EPN2: variants seen among roughly 807,000 people sequenced by gnomAD.
EPN2 encodes epsin-2.
In EPN2, 34 loss-of-function variants were observed where a neutral mutation model predicts 61.7. That is an observed-to-expected ratio of 0.55 (90% CI 0.42 to 0.73). The LOEUF is 0.73. Ranked by LOEUF, EPN2 falls within the 30% of genes least tolerant of loss-of-function variation. The pLI, the probability that EPN2 is intolerant of heterozygous loss-of-function variation, is 0.00. For synonymous variants in EPN2, 349 were observed against 353.6 expected (o/e 0.99, Z 0.15); for missense variants, 714 against 839.2 (o/e 0.85, Z 1.84).
At chr17:19,245,231 G>A (rs1044978782) in intron 1 of EPN2, among the ~76,000 whole-genome samples, 1 of 152,188 alleles carries the variant, frequency 6.6e-6, no homozygotes, top group Non-Finnish European at 1.5e-5. Context: ...GTCTGTGTGG[G>A]CTAGTAAGGG....
At chr17:19,314,548 T>A (rs1906296869) in intron 7 of EPN2, among the ~76,000 whole-genome samples, 1 of 152,210 alleles carries the variant, frequency 6.6e-6, no homozygotes, top group Admixed American at 6.5e-5. Flanking sequence ...TACCAAGTGC[T>A]TGGACTTGGT....
chr17:19,335,498 A>C lies in EPN2; in HGVS notation c.*1244A>C. Reference sequence around the variant, plus strand: ...GTGTGTCTGTGATCTCCTCTGTCTTAATCCACGCTCAGGCTAAAGATGGGG... The same window carrying C: ...GTGTGTCTGTGATCTCCTCTGTCTTCATCCACGCTCAGGCTAAAGATGGGG... On this transcript the variant is annotated 3_prime_UTR_variant, in exon 11 of 11. Coordinates refer to ENST00000314728, the MANE Select transcript of EPN2 (RefSeq NM_014964.5). 6.5e-7 allele frequency: 1 copy of C among 1,543,330 alleles called. No individual in the cohort carries two copies. The highest frequency in any genetic ancestry group is 8.8e-7 in the Non-Finnish European group (1 of 1,142,812).
rs1016461423 is a variant in EPN2 at position 19,285,546 on chromosome 17, C to A, written c.596-74C>A. On this transcript the variant is annotated intron_variant, in intron 3 of 10. Coordinates refer to ENST00000314728, the MANE Select transcript of EPN2 (RefSeq NM_014964.5). The surrounding 1 kb of genome is among the most constrained non-coding windows in gnomAD (Gnocchi z 4.5). ...TGACCCCGAGTGGCCTTGGCCCGTACCTCCTGCAGGGGCTGCTGCGCACCC... is the reference window on the plus strand; with the variant it reads ...TGACCCCGAGTGGCCTTGGCCCGTAACTCCTGCAGGGGCTGCTGCGCACCC... 8 of 1,384,538 alleles carry A rather than the reference C, an allele frequency of 5.8e-6. No homozygotes were observed. Among genetic ancestry groups the A allele is most frequent in the African/African-American group, 1.5e-5 (1 of 67,688 alleles). 85.8% of individuals were successfully genotyped at this position (1,384,538 alleles called of 1,614,324 possible). A position where few individuals can be genotyped will look rare whatever the true frequency, so the allele number is the denominator to read the frequency against.
intron 1 of EPN2, among the ~76,000 whole-genome samples, chr17:19,256,634 G>A (rs931705591): frequency 2.0e-5 from 3 of 151,964 alleles, no homozygotes; most frequent in East Asian, 3.9e-4. Flanking sequence ...AGTGGTTTTC[G>A]GCTGGTGGCA....
chr17:19,330,904 A>T (rs546261006), intron 9 of EPN2, among the ~76,000 whole-genome samples: 41 of 152,314 alleles, frequency 2.7e-4, no homozygotes, highest in African/African-American at 9.6e-4. Flanking sequence ...CAAGAGGCTA[A>T]GGCGGGAGGA....
At chr17:19,319,566 C>T (rs564962071) in intron 7 of EPN2, among the ~76,000 whole-genome samples, 96 of 152,056 alleles carry the variant, frequency 6.3e-4, no homozygotes, top group African/African-American at 2.2e-3. Context: ...CTCTTGACCT[C>T]ATGATCCACC....
intron 7 of EPN2, among the ~76,000 whole-genome samples, chr17:19,324,506 T>C (rs577289855): frequency 6.6e-6 from 1 of 152,304 alleles, no homozygotes; most frequent in Admixed American, 6.5e-5. Context: ...GCTAATTTTG[T>C]ATTTTTAGTA....
intron 7 of EPN2, among the ~76,000 whole-genome samples, chr17:19,320,012 G>C (rs954078330): frequency 6.6e-6 from 1 of 152,244 alleles, no homozygotes; most frequent in Admixed American, 6.5e-5. Context: ...CCAGAAAGGC[G>C]AAGCCTGAGG....
intron 1 of EPN2, among the ~76,000 whole-genome samples, chr17:19,253,410 C>CTTT (rs59492982): frequency 1.2e-3 from 123 of 101,822 alleles, no homozygotes; most frequent in Middle Eastern, 5.5e-3. Context: ...TAAATAGTTG[C>CTTT]TTTTTTTTTT....
Position 19,309,895 on chromosome 17 carries a change from G to C in EPN2, c.777G>C (p.Pro259=). ...GGTCTTCCCCAACAGCCACCTCCCC[G>C]CGAGTGTCCTCCGAGCTGGAGCAAG... ...TCDRAARATS[P]RVSSELEQAR... The change falls in exon 5 of 11, where the codon CCG becomes CCC. Residue 259 remains proline, a synonymous_variant. Coordinates refer to ENST00000314728, the MANE Select transcript of EPN2 (RefSeq NM_014964.5). The C allele has an allele frequency of 6.2e-7, 1 of 1,607,154 alleles. No homozygotes were observed. The highest frequency in any genetic ancestry group is 1.3e-5 in the African/African-American group (1 of 75,030).
At chr17:19,284,364 G>A (rs1391225462) in intron 3 of EPN2, among the ~76,000 whole-genome samples, 1 of 152,212 alleles carries the variant, frequency 6.6e-6, no homozygotes, top group Admixed American at 6.5e-5. Context: ...TCAGGGAACA[G>A]AGTGGAGTTC....
At chr17:19,303,107 G>A (rs1046686122) in intron 4 of EPN2, among the ~76,000 whole-genome samples, 4 of 152,224 alleles carry the variant, frequency 2.6e-5, no homozygotes, top group African/African-American at 9.6e-5. Flanking sequence ...GAGCAGTGGG[G>A]CAGGATGAGA....
At chr17:19,301,855 G>A (rs1905536240) in intron 4 of EPN2, among the ~76,000 whole-genome samples, 1 of 152,244 alleles carries the variant, frequency 6.6e-6, no homozygotes, top group Non-Finnish European at 1.5e-5. Flanking sequence ...CAAGCTCATG[G>A]GAACAGGGAC....
chr17:19,254,646 C>G (rs1401701411), intron 1 of EPN2, among the ~76,000 whole-genome samples: 1 of 152,070 alleles, frequency 6.6e-6, no homozygotes, highest in Non-Finnish European at 1.5e-5. Context: ...ACCATTAGTC[C>G]TGCTTAACAG....
chr17:19,268,622 T>G (rs181767329), intron 1 of EPN2, among the ~76,000 whole-genome samples: 1 of 152,346 alleles, frequency 6.6e-6, no homozygotes, highest in Admixed American at 6.5e-5. Context: ...ATGAATGAGC[T>G]GTTCTAGGAA....
At chr17:19,284,613 A>G (rs760366363) in intron 3 of EPN2, among the ~76,000 whole-genome samples, 16 of 152,326 alleles carry the variant, frequency 1.1e-4, no homozygotes, top group Middle Eastern at 3.4e-3. Context: ...CCCTAGTAAC[A>G]CTATGTCAGC....
intron 1 of EPN2, among the ~76,000 whole-genome samples, chr17:19,271,033 T>G (rs1180862701): frequency 1.3e-5 from 2 of 152,136 alleles, no homozygotes; most frequent in African/African-American, 4.8e-5. Flanking sequence ...AGTAGAGAGA[T>G]AATGGGTATC....
At chr17:19,253,861 G>C (rs77987974) in intron 1 of EPN2, among the ~76,000 whole-genome samples, 1,650 of 152,268 alleles carry the variant, frequency 0.011, 25 homozygotes, top group African/African-American at 0.036. Flanking sequence ...TATAACAGTC[G>C]TGGTGGCTCA....
rs181923647 is a variant in EPN2 at position 19,255,282 on chromosome 17, C to T, written c.-294+17751C>T. ...GTAGTGAATCTGGTTTGTTTTTTATCTTGTGGAGAGTGTGAATTCTCTGGC... is the reference window on the plus strand; with the variant it reads ...GTAGTGAATCTGGTTTGTTTTTTATTTTGTGGAGAGTGTGAATTCTCTGGC... On this transcript the variant is annotated intron_variant, in intron 1 of 10. Coordinates refer to ENST00000314728, the MANE Select transcript of EPN2 (RefSeq NM_014964.5). Among the ~76,000 whole-genome samples the T allele has an allele frequency of 1.4e-4, 21 of 152,112 alleles. No homozygotes were observed. The South Asian group carries it at 1.9e-3, about 14-fold the overall frequency.
Sources: allele counts gnomAD v4.1 joint callset (sites outside exome capture counted in the v4.1 genomes callset), GRCh38; gene constraint gnomAD v4.1.1; non-coding constraint Gnocchi (gnomAD v3.1); transcripts MANE v1.5; gene names NCBI Gene and HGNC (gene_info 2026-07-23, HGNC 2026-07-21).